Variants in DHX15 observed in about 807,000 individuals in gnomAD.
The protein encoded by DHX15 is ATP-dependent RNA helicase DHX15.
DHX15 carries 11 observed loss-of-function variants against 94.4 expected under a neutral mutation model. The ratio of observed to expected loss-of-function variants is 0.12; its 90% CI spans 0.07 to 0.19. The LOEUF (loss-of-function observed/expected upper bound fraction) is 0.19. DHX15 is among the 10% of genes least tolerant of loss of function. DHX15 has a pLI of 1.00. For synonymous variants in DHX15, 338 were observed against 329.9 expected, an observed-to-expected ratio of 1.02 and a Z score of -0.27; for missense variants, 304 against 988.5, an observed-to-expected ratio of 0.31 and a Z score of 9.29.
chr4:24,549,882 T>TCC (rs1721550361), intron 5 of DHX15, among the ~76,000 whole-genome samples: 1 of 151,472 alleles, frequency 6.6e-6, no homozygotes, highest in Non-Finnish European at 1.5e-5. Context: ...TCACCTGAGG[T>TCC]TGGGAGTTCG....
Position 24,557,619 on chromosome 4 carries a change from G to C in DHX15, c.702-1209C>G, listed in dbSNP as rs187899203. Among the ~76,000 whole-genome samples, 161 of 152,178 alleles carry C rather than the reference G, an allele frequency of 1.1e-3. 1 individual carries two copies. Among genetic ancestry groups the C allele is most frequent in the Middle Eastern group, 3.4e-3 (1 of 294 alleles). Reference sequence around the variant, plus strand: ...CTCATTTATATGCTTTATGCTTCTTGTCCTTGGTCATATTTTTAAAAATAA... The same window carrying C: ...CTCATTTATATGCTTTATGCTTCTTCTCCTTGGTCATATTTTTAAAAATAA... On this transcript the variant is annotated intron_variant, in intron 3 of 13. Coordinates refer to ENST00000336812, the MANE Select transcript of DHX15 (RefSeq NM_001358.3).
intron 11 of DHX15, among the ~76,000 whole-genome samples, chr4:24,534,686 G>A (rs763380874): frequency 6.6e-6 from 1 of 151,976 alleles, no homozygotes; most frequent in African/African-American, 2.4e-5. Flanking sequence ...TCTAGTTTTC[G>A]ATTTCAAAGG....
intron 13 of DHX15, 85 bp from the exon 14 acceptor site, chr4:24,528,126 A>C (rs1004764148): frequency 1.0e-5 from 9 of 869,302 alleles, no homozygotes; most frequent in Non-Finnish European, 1.7e-5. Context: ...TTATTCATTA[A>C]TATACTGATG....
rs1721217173 is a variant in DHX15, at chr4:24,537,322, C to T, written c.1787-149G>A. 2 of 999,420 alleles carry T rather than the reference C, an allele frequency of 2.0e-6. No homozygotes were observed. The highest frequency in any genetic ancestry group is 3.3e-5 in the African/African-American group (2 of 60,710). The allele number at this position is 999,420 out of a possible 1,614,324, so 61.9% of individuals were successfully genotyped here. A position where few individuals can be genotyped will look rare whatever the true frequency, so the allele number is the denominator to read the frequency against. ...AACTGCATCTTGGATTGTTTACTAC[C>T]TTGATTTGGTACATCAACACCTAAC... On this transcript the variant is annotated intron_variant, in intron 10 of 13. Transcript: ENST00000336812. The surrounding 1 kb of genome is among the most constrained non-coding windows in gnomAD (Gnocchi z 4.7).
chr4:24,573,764 T>C (rs573954882), intron 2 of DHX15, among the ~76,000 whole-genome samples: 10 of 152,236 alleles, frequency 6.6e-5, no homozygotes, highest in African/African-American at 1.2e-4. Context: ...AGCCAGAGCA[T>C]ACCTGCATTC....
chr4:24,570,567 A>AT (rs1722100026), intron 3 of DHX15, 87 bp downstream of exon 3: 1 of 1,233,294 alleles, frequency 8.1e-7, no homozygotes, highest in East Asian at 2.4e-5. Context: ...TTTGGATGAC[A>AT]TAAGCCTGCA....
chr4:24,562,717 T>C (rs1721909928), intron 3 of DHX15, among the ~76,000 whole-genome samples: 1 of 152,174 alleles, frequency 6.6e-6, no homozygotes, highest in African/African-American at 2.4e-5. Context: ...CTCCATCAGT[T>C]GGGTCAAGAG....
intron 3 of DHX15, among the ~76,000 whole-genome samples, chr4:24,564,587 C>A (rs1254467686): frequency 6.6e-6 from 1 of 152,204 alleles, no homozygotes; most frequent in East Asian, 1.9e-4. Flanking sequence ...CCTCCCCAAC[C>A]AAGTCAGTGA....
intron 3 of DHX15, among the ~76,000 whole-genome samples, chr4:24,561,632 C>T (rs1404459989): frequency 6.6e-6 from 1 of 152,148 alleles, no homozygotes; most frequent in Non-Finnish European, 1.5e-5. Context: ...AAAAAGAGAT[C>T]ATGTTCTTGT....
chr4:24,533,082 G>C (rs762998287), intron 11 of DHX15, 28 bp from the exon 12 acceptor site: 8 of 1,590,032 alleles, frequency 5.0e-6, no homozygotes, highest in Non-Finnish European at 6.0e-6. Flanking sequence ...GGGGAGAAAA[G>C]AAGGCACCAT....
intron 11 of DHX15, among the ~76,000 whole-genome samples, chr4:24,534,375 G>T (rs1213036526): frequency 6.6e-6 from 1 of 152,138 alleles, no homozygotes; most frequent in Non-Finnish European, 1.5e-5. Flanking sequence ...TTTTTGTGTG[G>T]TTCTCAATTT....
At position 24,537,662 on chromosome 4, in the gene DHX15, A is replaced by AT. The variant is rs1462162001; in HGVS notation, c.1787-490dup. ...AGTCTACTGCCATGTTTCTATCAGA[A>AT]TTTTTTCCCTAATACTGTGGCTATT... On this transcript the variant is annotated intron_variant, in intron 10 of 13. Transcript: ENST00000336812. The surrounding 1 kb of genome is among the most constrained non-coding windows in gnomAD (Gnocchi z 4.7). 7.2e-5 allele frequency: 11 copies of AT among 153,318 alleles called. No homozygotes were observed. Among genetic ancestry groups the AT allele is most frequent in the African/African-American group, 2.6e-4 (11 of 41,574 alleles). The allele number at this position is 153,318 out of a possible 1,614,324, so 9.5% of individuals were successfully genotyped here. A position where few individuals can be genotyped will look rare whatever the true frequency, so the allele number is the denominator to read the frequency against.
intron 3 of DHX15, among the ~76,000 whole-genome samples, chr4:24,559,388 A>AAG (rs1553951050): frequency 4.3e-5 from 4 of 92,192 alleles, no homozygotes; most frequent in Admixed American, 1.8e-4. Flanking sequence ...AAAAAAAAAA[A>AAG]AAAAAAAAGA....
intron 3 of DHX15, among the ~76,000 whole-genome samples, chr4:24,566,391 A>T (rs1436692490): frequency 6.6e-6 from 1 of 152,166 alleles, no homozygotes; most frequent in Non-Finnish European, 1.5e-5. Context: ...GAATCTGCAT[A>T]AGTAGTCTTT....
chr4:24,567,523 GC>G (rs1722018505), intron 3 of DHX15, among the ~76,000 whole-genome samples: 1 of 151,238 alleles, frequency 6.6e-6, no homozygotes. Flanking sequence ...GCTGCAGTGA[GC>G]CGAGATCGTG....
chr4:24,564,341 C>T (rs370248477), intron 3 of DHX15, among the ~76,000 whole-genome samples: 1 of 152,012 alleles, frequency 6.6e-6, no homozygotes. Context: ...TGGGGTACTA[C>T]GAAGAAATTA....
chr4:24,579,219 G>C (rs906645594), intron 1 of DHX15, among the ~76,000 whole-genome samples: 6 of 152,172 alleles, frequency 3.9e-5, no homozygotes, highest in Non-Finnish European at 8.8e-5. Flanking sequence ...GATACTTTTA[G>C]TCTCAGATTA....
chr4:24,556,230 G>A (rs781259150), intron 4 of DHX15, 21 bp downstream of exon 4: 17 of 1,608,858 alleles, frequency 1.1e-5, no homozygotes, highest in Non-Finnish European at 1.4e-5. Context: ...ATAGTTAAAT[G>A]GAGAGAAGAA....
intron 3 of DHX15, among the ~76,000 whole-genome samples, chr4:24,566,389 A>G (rs1044721958): frequency 8.5e-5 from 13 of 152,182 alleles, no homozygotes; most frequent in Non-Finnish European, 1.8e-4. Flanking sequence ...TGGAATCTGC[A>G]TAAGTAGTCT....
Sources: allele counts gnomAD v4.1 joint callset (sites outside exome capture counted in the v4.1 genomes callset), GRCh38; gene constraint gnomAD v4.1.1; non-coding constraint Gnocchi (gnomAD v3.1); transcripts MANE v1.5; gene names NCBI Gene and HGNC (gene_info 2026-07-23, HGNC 2026-07-21).